The following PCDH11Y variants were observed in gnomAD, a reference collection of about 807,000 sequenced individuals.
PCDH11Y encodes the protein protocadherin 11 Y-linked, also known as protocadherin-11 Y-linked.
For synonymous variants in PCDH11Y, 9 were observed against 83.6 expected, an observed-to-expected ratio of 0.11 and a Z score of 4.87; for missense variants, 12 against 224.8, an observed-to-expected ratio of 0.05 and a Z score of 6.05.
At chrY:5,561,184 A>G in intron 3 of PCDH11Y, among the ~76,000 whole-genome samples, 1 of 24,849 alleles carries the variant, frequency 4.0e-5, no homozygotes, top group Non-Finnish European at 9.3e-5. Context: ...GCCATTTGAA[A>G]TGGTTGTATT....
At chrY:5,049,220 G>A in intron 3 of PCDH11Y, among the ~76,000 whole-genome samples, 4 of 32,288 alleles carry the variant, frequency 1.2e-4, no homozygotes, top group Admixed American at 1.2e-3. Flanking sequence ...CCTTTTATCT[G>A]GGCTCTCTAT....
intron 1 of PCDH11Y, among the ~76,000 whole-genome samples, chrY:5,079,145 C>T (rs1602857964): frequency 1.2e-4 from 4 of 33,724 alleles, no homozygotes; most frequent in East Asian, 8.1e-4. Flanking sequence ...GTCATGCTGA[C>T]GCAAGAGGTA....
chrY:5,338,401 T>A, intron 2 of PCDH11Y: 1 of 386,992 alleles, frequency 2.6e-6, no homozygotes, highest in Non-Finnish European at 3.6e-6. Flanking sequence ...ATCCACGGCT[T>A]AACATTTCAT....
intron 2 of PCDH11Y, among the ~76,000 whole-genome samples, chrY:5,190,353 A>G: frequency 1.2e-4 from 4 of 34,472 alleles, no homozygotes; most frequent in African/African-American, 4.5e-4. Flanking sequence ...TTAATAAAAG[A>G]TCTTGTTCAA....
At chrY:5,074,742 A>G in intron 1 of PCDH11Y, among the ~76,000 whole-genome samples, 1 of 32,810 alleles carries the variant, frequency 3.0e-5, no homozygotes, top group African/African-American at 1.2e-4. Flanking sequence ...TACAGAAAAC[A>G]TATTTATTAT....
intron 4 of PCDH11Y, among the ~76,000 whole-genome samples, chrY:5,636,626 G>C: frequency 3.0e-5 from 1 of 33,104 alleles, no homozygotes; most frequent in Non-Finnish European, 7.5e-5. Context: ...TTCAAACATG[G>C]ATTGCTTTAT....
intron 3 of PCDH11Y, among the ~76,000 whole-genome samples, chrY:5,529,684 G>A: frequency 3.1e-5 from 1 of 31,940 alleles, no homozygotes; most frequent in African/African-American, 1.2e-4. Context: ...ACAATGGAAG[G>A]CACATGTTTA....
intron 4 of PCDH11Y, among the ~76,000 whole-genome samples, chrY:5,636,608 C>T: frequency 3.0e-5 from 1 of 33,109 alleles, no homozygotes; most frequent in Non-Finnish European, 7.5e-5. Context: ...CCATAGCCTT[C>T]GTGGTAATTC....
intron 2 of PCDH11Y, among the ~76,000 whole-genome samples, chrY:5,313,847 A>T (rs2124664876): frequency 1.2e-4 from 4 of 32,713 alleles, no homozygotes; most frequent in Non-Finnish European, 3.0e-4. Context: ...ATGTTTTAAC[A>T]TAAAGAGAAT....
intron 2 of PCDH11Y, among the ~76,000 whole-genome samples, chrY:5,469,145 G>A: frequency 7.0e-5 from 2 of 28,564 alleles, no homozygotes; most frequent in Non-Finnish European, 1.7e-4. Context: ...CAGAAAGCAG[G>A]CCATTCCTAG....
At chrY:5,326,498 A>C (rs2053120631) in intron 2 of PCDH11Y, among the ~76,000 whole-genome samples, 1 of 32,957 alleles carries the variant, frequency 3.0e-5, no homozygotes, top group South Asian at 6.9e-4. Flanking sequence ...GCATAGCCTG[A>C]CTTTGCTGGT....
At chrY:5,375,567 A>G (rs2124673833) in intron 2 of PCDH11Y, among the ~76,000 whole-genome samples, 1 of 32,313 alleles carries the variant, frequency 3.1e-5, no homozygotes, top group East Asian at 8.1e-4. Flanking sequence ...TTGCATTTCA[A>G]TAAAAATTTT....
chrY:5,395,469 G>A, intron 2 of PCDH11Y, among the ~76,000 whole-genome samples: 1 of 32,134 alleles, frequency 3.1e-5, no homozygotes, highest in East Asian at 8.1e-4. Flanking sequence ...ATCTATGCTT[G>A]TCTGGCCAAA....
chrY:5,675,022 C>A, intron 4 of PCDH11Y, among the ~76,000 whole-genome samples: 1 of 33,661 alleles, frequency 3.0e-5, no homozygotes, highest in Non-Finnish European at 7.4e-5. Context: ...GTCCTTTTGG[C>A]TAAACACATG....
chrY:5,684,340 G>A (rs2053561322), intron 4 of PCDH11Y, among the ~76,000 whole-genome samples: 1 of 31,852 alleles, frequency 3.1e-5, no homozygotes. Context: ...GTGGAGAAAA[G>A]GGAAACCTCT....
At chrY:5,385,791 G>C in intron 2 of PCDH11Y, among the ~76,000 whole-genome samples, 9 of 33,136 alleles carry the variant, frequency 2.7e-4, no homozygotes, top group Non-Finnish European at 4.5e-4. Context: ...TATGTTTCTT[G>C]GCCACTTGTA....
chrY:5,604,072 T>C, intron 4 of PCDH11Y, among the ~76,000 whole-genome samples: 3 of 32,264 alleles, frequency 9.3e-5, no homozygotes, highest in Non-Finnish European at 2.3e-4. Flanking sequence ...GTGCAGATCG[T>C]AGGGAATCCT....
chrY:5,423,816 T>A, intron 2 of PCDH11Y, among the ~76,000 whole-genome samples: 2 of 33,169 alleles, frequency 6.0e-5, no homozygotes. Context: ...TATTATTTAA[T>A]GGCTTTGGGG....
At chrY:5,340,032 A>G in intron 2 of PCDH11Y, among the ~76,000 whole-genome samples, 1 of 32,568 alleles carries the variant, frequency 3.1e-5, no homozygotes, top group Non-Finnish European at 7.5e-5. Context: ...ACTGACTCAC[A>G]GGATCACAAG....
Sources: allele counts gnomAD v4.1 joint callset (sites outside exome capture counted in the v4.1 genomes callset), GRCh38; gene constraint gnomAD v4.1.1; transcripts MANE v1.5; gene names NCBI Gene and HGNC (gene_info 2026-07-23, HGNC 2026-07-21).